EXOC1: variants seen among roughly 807,000 people sequenced by gnomAD.
EXOC1 encodes the protein SEC3-like 1.
EXOC1 carries 67 observed loss-of-function variants against 107.7 expected under a neutral mutation model. The ratio of observed to expected loss-of-function variants is 0.62; its 90% CI spans 0.51 to 0.76. The LOEUF is 0.76. Ranked by LOEUF, EXOC1 falls within the 30% of genes least tolerant of loss-of-function variation. The pLI is 0.00. For synonymous variants in EXOC1, 348 were observed against 353.5 expected (o/e 0.98, Z 0.17); for missense variants, 833 against 1,055.7 (o/e 0.79, Z 2.92).
At chr4:55,898,093 AAAAAAATTT>A (rs1331622931) in intron 16 of EXOC1, among the ~76,000 whole-genome samples, 2 of 151,988 alleles carry the variant, frequency 1.3e-5, no homozygotes, top group Non-Finnish European at 2.9e-5. Flanking sequence ...TGTCTGTACA[AAAAAAATTT>A]AAAAAATTAG....
intron 8 of EXOC1, among the ~76,000 whole-genome samples, chr4:55,873,232 A>T (rs1384619287): frequency 6.6e-6 from 1 of 152,096 alleles, no homozygotes; most frequent in Non-Finnish European, 1.5e-5. Context: ...CAAGAGGGAT[A>T]AATGTTATGA....
At position 55,871,963 on chromosome 4, in the gene EXOC1, T is replaced by C. The variant is rs1255974933; in HGVS notation, c.1074+5T>C. On this transcript the variant is annotated splice_donor_5th_base_variant and intron_variant, in intron 8 of 18. Coordinates refer to ENST00000381295, the MANE Select transcript of EXOC1 (RefSeq NM_001024924.2). Reference sequence around the variant, plus strand: ...AACAATGTTTTTGTTCAACAGGTAATTTTATTTTATTATTAAAACGAGCAT... The same window carrying C: ...AACAATGTTTTTGTTCAACAGGTAACTTTATTTTATTATTAAAACGAGCAT... 3 of 1,610,174 alleles carry C rather than the reference T, an allele frequency of 1.9e-6. No homozygotes were observed. The highest frequency in any genetic ancestry group is 1.3e-5 in the African/African-American group (1 of 74,732).
chr4:55,868,373 A>G lies in EXOC1; in HGVS notation c.453A>G (p.Gly151=). 6.2e-7 allele frequency: 1 copy of G among 1,613,392 alleles called. No individual in the cohort carries two copies. Among genetic ancestry groups the G allele is most frequent in the African/African-American group, 1.3e-5 (1 of 75,008 alleles). ...VPSGENQSVT[G]GDEEVVDEYQ... is the part of the protein sequence containing the mutation. ...GTGGAGAAAATCAGAGTGTGACAGG[A>G]GGTGATGAAGAAGTAGTAGATGAAT... is the stretch of plus-strand genomic sequence containing the variant. The change falls in exon 5 of 19, where the codon GGA becomes GGG. Residue 151 remains glycine (G), a synonymous_variant. Transcript: ENST00000381295.
Position 55,860,433 on chromosome 4 carries a change from G to A in EXOC1, c.147G>A (p.Gln49=). ...CAGTGACAACTGAACGCCCTGTGCAGGTTAAGGTGGTCAAAGTCAAGAAAT... is the reference window on the plus strand; with the variant it reads ...CAGTGACAACTGAACGCCCTGTGCAAGTTAAGGTGGTCAAAGTCAAGAAAT... ...CATVTTERPV[Q]VKVVKVKKSD... Residue 49 remains glutamine, a synonymous_variant, in exon 3 of 19, where the codon CAG becomes CAA. Coordinates refer to ENST00000381295, the MANE Select transcript of EXOC1 (RefSeq NM_001024924.2). 3.1e-6 allele frequency: 5 copies of A among 1,613,968 alleles called. No individual in the cohort carries two copies. The highest frequency in any genetic ancestry group is 4.2e-6 in the Non-Finnish European group (5 of 1,179,886).
In EXOC1 at chr4:55,871,194, G is replaced by T. The variant is rs755252003; in HGVS notation, c.925G>T (p.Asp309Tyr). The T allele has an allele frequency of 6.2e-7, 1 of 1,613,892 alleles. No homozygotes were observed. Among genetic ancestry groups the T allele is most frequent in the Non-Finnish European group, 8.5e-7 (1 of 1,179,866 alleles). ...RGIEACTNAADALLQCMNVAL... is the reference protein window; with the variant it reads ...RGIEACTNAAYALLQCMNVAL... ...CATTGAGGCCTGCACCAATGCTGCT[G>T]ATGCCCTTCTGCAGTGCATGAATGT... Residue 309 changes from aspartate (D) to tyrosine (Y), a missense_variant, in exon 7 of 19, where the codon GAT (aspartate) becomes TAT (tyrosine). Asp to Tyr is a radical substitution (Grantham distance 160). Coordinates refer to ENST00000381295, the MANE Select transcript of EXOC1 (RefSeq NM_001024924.2).
intron 9 of EXOC1, among the ~76,000 whole-genome samples, chr4:55,882,099 T>TTTTTTG (rs1553877095): frequency 6.6e-6 from 1 of 150,872 alleles, no homozygotes; most frequent in Non-Finnish European, 1.5e-5. Flanking sequence ...CCATAGGGTT[T>TTTTTTG]TTGTTGTTGT....
chr4:55,867,534 A>G (rs1722062123), intron 4 of EXOC1, among the ~76,000 whole-genome samples: 1 of 151,578 alleles, frequency 6.6e-6, no homozygotes, highest in Non-Finnish European at 1.5e-5. Context: ...CAAGCTTTAT[A>G]TACAGTGCTC....
At chr4:55,875,747 C>T (rs1722839510) in intron 8 of EXOC1, 2 of 985,342 alleles carry the variant, frequency 2.0e-6, no homozygotes, top group Non-Finnish European at 2.4e-6. Flanking sequence ...TATTCTTCCC[C>T]TTTAATCAGC....
intron 8 of EXOC1, among the ~76,000 whole-genome samples, chr4:55,873,079 A>G (rs1722589496): frequency 6.6e-6 from 1 of 152,124 alleles, no homozygotes; most frequent in African/African-American, 2.4e-5. Context: ...ATTTAGTAAT[A>G]GTAGTAATAT....
intron 5 of EXOC1, among the ~76,000 whole-genome samples, chr4:55,869,067 A>G (rs1237136146): frequency 1.3e-5 from 2 of 152,154 alleles, no homozygotes; most frequent in Non-Finnish European, 2.9e-5. Flanking sequence ...TTTGAGTGTA[A>G]TTCAAATGCA....
chr4:55,893,997 G>A (rs983343171), intron 15 of EXOC1, among the ~76,000 whole-genome samples: 3 of 152,100 alleles, frequency 2.0e-5, no homozygotes, highest in African/African-American at 7.2e-5. Flanking sequence ...GGCAAGTTCT[G>A]GAGGAAGTGG....
intron 12 of EXOC1, among the ~76,000 whole-genome samples, 158 bp downstream of exon 12, chr4:55,890,544 A>C (rs974286597): frequency 6.6e-6 from 1 of 152,056 alleles, no homozygotes; most frequent in African/African-American, 2.4e-5. Flanking sequence ...AAAAAAAAAA[A>C]AAAACTAGTC....
intron 5 of EXOC1, 193 bp downstream of exon 5, chr4:55,868,716 A>G (rs1577705882): frequency 4.5e-6 from 2 of 442,626 alleles, no homozygotes; most frequent in Non-Finnish European, 7.7e-6. Flanking sequence ...TGTTAAGCCA[A>G]TGAAGACAGT....
intron 10 of EXOC1, among the ~76,000 whole-genome samples, chr4:55,887,785 C>CATAG (rs1189493414): frequency 6.6e-6 from 1 of 151,026 alleles, no homozygotes; most frequent in African/African-American, 2.4e-5. Context: ...CACTGCTGAA[C>CATAG]ATAGCATAGT....
chr4:55,858,339 C>T lies in EXOC1; in HGVS notation c.16C>T (p.His6Tyr). The T allele has an allele frequency of 6.2e-7, 1 of 1,606,762 alleles. No individual in the cohort carries two copies. Among genetic ancestry groups the T allele is most frequent in the Non-Finnish European group, 8.5e-7 (1 of 1,176,834 alleles). ...CTGAGAAAAGATGACAGCAATCAAGCATGCATTACAAAGAGACATTTTTAC... is the reference window on the plus strand; with the variant it reads ...CTGAGAAAAGATGACAGCAATCAAGTATGCATTACAAAGAGACATTTTTAC... Reference protein sequence around the residue: MTAIKHALQRDIFTPN... With the variant: MTAIKYALQRDIFTPN... The change falls in exon 2 of 19, where the codon CAT becomes TAT. Residue 6 changes from histidine (H) to tyrosine (Y), a missense_variant. By Grantham distance (83) the His-to-Tyr change is moderately conservative. Around this residue, in one of 2 missense-constraint regions of EXOC1, gnomAD observed 617 missense variants for 701.3 expected, o/e 0.88. Coordinates refer to ENST00000381295, the MANE Select transcript of EXOC1 (RefSeq NM_001024924.2).
rs559678987 is a variant in EXOC1 at position 55,881,738 on chromosome 4, C to T, written c.1225-2085C>T. Among the ~76,000 whole-genome samples the T allele has an allele frequency of 7.9e-5, 12 of 152,246 alleles. No homozygotes were observed. In the South Asian group the frequency reaches 8.3e-4, roughly 11 times the overall value. On this transcript the variant is annotated intron_variant, in intron 9 of 18. Coordinates refer to ENST00000381295, the MANE Select transcript of EXOC1 (RefSeq NM_001024924.2). Reference sequence around the variant, plus strand: ...CCTTTCCAAAGGAGCCAATCAGATACGCATTTATCTCAGTGAGCAGAAGAA... The same window carrying T: ...CCTTTCCAAAGGAGCCAATCAGATATGCATTTATCTCAGTGAGCAGAAGAA...
chr4:55,887,325 A>G (rs1222633456), intron 10 of EXOC1, among the ~76,000 whole-genome samples: 1 of 152,148 alleles, frequency 6.6e-6, no homozygotes, highest in Non-Finnish European at 1.5e-5. Flanking sequence ...CGTGAATACA[A>G]TGCTGAATTC....
intron 6 of EXOC1, 33 bp from the exon 7 acceptor site, chr4:55,871,068 C>T: frequency 6.2e-7 from 1 of 1,601,722 alleles, no homozygotes; most frequent in South Asian, 1.1e-5. Context: ...CCCAAAATTA[C>T]ACATGCAAAT....
At chr4:55,866,136 AC>A (rs1721937273) in intron 4 of EXOC1, among the ~76,000 whole-genome samples, 1 of 152,084 alleles carries the variant, frequency 6.6e-6, no homozygotes, top group African/African-American at 2.4e-5. Context: ...AATTATTACC[AC>A]CCCAGTTTAA....
Sources: allele counts gnomAD v4.1 joint callset (sites outside exome capture counted in the v4.1 genomes callset), GRCh38; gene constraint gnomAD v4.1.1; regional missense constraint gnomAD v4.1.1; transcripts MANE v1.5; gene names NCBI Gene and HGNC (gene_info 2026-07-23, HGNC 2026-07-21).